Variants in SPAG16 observed in about 807,000 individuals in gnomAD.
The protein encoded by SPAG16 is sperm-associated antigen 16 protein.
SPAG16 carries 86 observed loss-of-function variants against 80.4 expected under a neutral mutation model. That is an observed-to-expected ratio of 1.07 (90% CI 0.90 to 1.28). The LOEUF (loss-of-function observed/expected upper bound fraction) is 1.28, where lower values mean the gene tolerates loss of function less well. Ranked by LOEUF, SPAG16 falls within the 50% of genes most tolerant of loss-of-function variation. The pLI, the probability that SPAG16 is intolerant of heterozygous loss-of-function variation, is 0.00. For missense variants in SPAG16, 870 were observed against 765.3 expected (o/e 1.14, Z -1.61); for synonymous variants, 294 against 265.9 (o/e 1.11, Z -1.03).
At chr2:214,302,697 G>A (rs1439140264) in intron 15 of SPAG16, among the ~76,000 whole-genome samples, 1 of 152,118 alleles carries the variant, frequency 6.6e-6, no homozygotes, top group East Asian at 1.9e-4. Context: ...TGGCCAGGCT[G>A]GACTTGAACT....
intron 15 of SPAG16, among the ~76,000 whole-genome samples, chr2:214,399,943 C>CA (rs1701612681): frequency 6.6e-6 from 1 of 152,148 alleles, no homozygotes; most frequent in East Asian, 1.9e-4. Context: ...TGATCAGCTG[C>CA]ATAGGTGAAG....
rs115102566 is a variant in SPAG16 at position 214,134,641 on chromosome 2, T to C, written c.1594-14499T>C. Among the ~76,000 whole-genome samples the C allele has an allele frequency of 7.0e-3, 1,063 of 152,284 alleles. 16 individuals carry two copies. The highest frequency in any genetic ancestry group is 0.024 in the African/African-American group (998 of 41,558). ...CCGAATTCAGTCAACCTCTTACTTA[T>C]AACAAACTTGAGTACCACAAGAAAG... On this transcript the variant is annotated intron_variant, in intron 14 of 15. Coordinates refer to ENST00000331683, the MANE Select transcript of SPAG16 (RefSeq NM_024532.5).
chr2:213,737,009 T>C (rs2067312522), intron 10 of SPAG16, among the ~76,000 whole-genome samples: 1 of 152,158 alleles, frequency 6.6e-6, no homozygotes, highest in South Asian at 2.1e-4. Context: ...CCCAGCCCAA[T>C]GCTGTTGATC....
At chr2:213,853,836 G>C (rs2105917156) in intron 10 of SPAG16, among the ~76,000 whole-genome samples, 1 of 152,302 alleles carries the variant, frequency 6.6e-6, no homozygotes, top group African/African-American at 2.4e-5. Flanking sequence ...CATCTTTGAG[G>C]ATGATAGTCA....
intron 13 of SPAG16, among the ~76,000 whole-genome samples, chr2:214,044,952 G>T (rs2049232873): frequency 2.0e-5 from 3 of 152,160 alleles, no homozygotes; most frequent in Admixed American, 2.0e-4. Flanking sequence ...AAACTTGAAA[G>T]GTAGGCTAGA....
At chr2:213,464,833 C>T (rs1475096721) in intron 9 of SPAG16, among the ~76,000 whole-genome samples, 1 of 152,192 alleles carries the variant, frequency 6.6e-6, no homozygotes, top group Non-Finnish European at 1.5e-5. Context: ...TAAGAACTTT[C>T]CATTGGCTGG....
Position 213,968,069 on chromosome 2 carries a change from A to ACTTTC in SPAG16, c.1400+37935_1400+37939dup, listed in dbSNP as rs2044800990. On this transcript the variant is annotated intron_variant, in intron 12 of 15. Coordinates refer to ENST00000331683, the MANE Select transcript of SPAG16 (RefSeq NM_024532.5). The stretch of plus-strand genomic sequence containing the variant: ...TTTATTTAACTACAAATTCAAAATT[A>ACTTTC]CTTTCCTTTCCTTTCTTCTTTCCTT... 2.0e-5 allele frequency among the ~76,000 whole-genome samples: 3 copies of ACTTTC among 150,666 alleles called. No individual in the cohort carries two copies. In the South Asian group the frequency reaches 6.4e-4, roughly 32 times the overall value.
At chr2:213,904,219 T>G (rs542462527) in intron 11 of SPAG16, among the ~76,000 whole-genome samples, 3 of 152,274 alleles carry the variant, frequency 2.0e-5, no homozygotes, top group East Asian at 3.9e-4. Context: ...TGATACCAAT[T>G]TACTGTATCA....
At chr2:213,593,576 C>G (rs7577685) in intron 10 of SPAG16, among the ~76,000 whole-genome samples, 64,974 of 151,206 alleles carry the variant, frequency 0.43, 14,800 homozygotes, top group African/African-American at 0.57. Context: ...CTGAAGATTT[C>G]TGTCAATGTT....
intron 15 of SPAG16, among the ~76,000 whole-genome samples, chr2:214,165,249 G>T (rs1445514220): frequency 6.6e-6 from 1 of 151,932 alleles, no homozygotes; most frequent in Non-Finnish European, 1.5e-5. Context: ...GAATTTTGGA[G>T]TATTTTGCTT....
chr2:213,904,140 C>G (rs1417246653), intron 11 of SPAG16, among the ~76,000 whole-genome samples: 1 of 152,214 alleles, frequency 6.6e-6, no homozygotes, highest in Non-Finnish European at 1.5e-5. Flanking sequence ...GTTCCAACCT[C>G]TGCCTGTTAC....
intron 9 of SPAG16, among the ~76,000 whole-genome samples, chr2:213,478,586 C>G (rs986779740): frequency 2.6e-5 from 4 of 152,202 alleles, no homozygotes; most frequent in East Asian, 1.9e-4. Context: ...TGGTGATTCA[C>G]TAGCAACAGT....
chr2:214,195,045 T>C (rs749187428), intron 15 of SPAG16, among the ~76,000 whole-genome samples: 6 of 152,036 alleles, frequency 3.9e-5, no homozygotes, highest in Non-Finnish European at 8.8e-5. Flanking sequence ...ACATTTTGAA[T>C]TACATGAATG....
intron 15 of SPAG16, among the ~76,000 whole-genome samples, chr2:214,353,814 G>C (rs895318349): frequency 1.1e-4 from 16 of 152,074 alleles, no homozygotes; most frequent in Admixed American, 9.2e-4. Flanking sequence ...ATATATCAAA[G>C]CCACTAATTT....
chr2:214,074,692 A>G (rs1314474868), intron 13 of SPAG16, among the ~76,000 whole-genome samples: 2 of 152,152 alleles, frequency 1.3e-5, no homozygotes, highest in Admixed American at 1.3e-4. Context: ...GTAAGTCATA[A>G]TAAAAAGACA....
At chr2:213,633,040 T>C (rs1211701499) in intron 10 of SPAG16, among the ~76,000 whole-genome samples, 1 of 152,106 alleles carries the variant, frequency 6.6e-6, no homozygotes, top group African/African-American at 2.4e-5. Context: ...TTGAGTAGGA[T>C]TGGTATTAGT....
chr2:214,337,723 G>T (rs571670117), intron 15 of SPAG16, among the ~76,000 whole-genome samples: 9 of 152,268 alleles, frequency 5.9e-5, no homozygotes, highest in African/African-American at 2.2e-4. Context: ...TGCATTAAGG[G>T]ATATTACGTT....
At chr2:213,381,570 A>G (rs2067174456) in intron 9 of SPAG16, among the ~76,000 whole-genome samples, 1 of 152,332 alleles carries the variant, frequency 6.6e-6, no homozygotes, top group South Asian at 2.1e-4. Flanking sequence ...ACACAAGGCT[A>G]CATGATCCTA....
chr2:214,302,270 T>C (rs1002518621), intron 15 of SPAG16, among the ~76,000 whole-genome samples: 4 of 152,216 alleles, frequency 2.6e-5, no homozygotes, highest in Non-Finnish European at 4.4e-5. Flanking sequence ...TTGGGTATAA[T>C]AATCCTTAAA....
Sources: allele counts gnomAD v4.1 joint callset (sites outside exome capture counted in the v4.1 genomes callset), GRCh38; gene constraint gnomAD v4.1.1; transcripts MANE v1.5; gene names NCBI Gene and HGNC (gene_info 2026-07-23, HGNC 2026-07-21).